PLEKHG4B: variants seen among roughly 807,000 people sequenced by gnomAD.
PLEKHG4B encodes the protein pleckstrin homology domain-containing family G member 4B.
PLEKHG4B carries 111 observed loss-of-function variants against 121.3 expected under a neutral mutation model. The observed-to-expected ratio is 0.92, with a 90% CI of 0.78 to 1.07. The LOEUF (loss-of-function observed/expected upper bound fraction) is 1.07. Ranked by LOEUF, PLEKHG4B falls within the 50% of genes least tolerant of loss-of-function variation. The pLI is 0.00. For missense variants in PLEKHG4B, 1,831 were observed against 1,757.8 expected, an observed-to-expected ratio of 1.04 and a Z score of -0.74; for synonymous variants, 738 against 725.0, an observed-to-expected ratio of 1.02 and a Z score of -0.29.
chr5:155,162 T>C (rs1400408078), intron 8 of PLEKHG4B, among the ~76,000 whole-genome samples, 171 bp downstream of exon 8: 3 of 152,192 alleles, frequency 2.0e-5, no homozygotes, highest in Non-Finnish European at 4.4e-5. Context: ...CATCTGAGAA[T>C]GCCGAGCCCG....
At chr5:129,333 C>A (rs1314029908) in intron 2 of PLEKHG4B, among the ~76,000 whole-genome samples, 1 of 152,204 alleles carries the variant, frequency 6.6e-6, no homozygotes, top group Non-Finnish European at 1.5e-5. Flanking sequence ...TGGAGTGTTT[C>A]TTTCTGCTGA....
At chr5:129,133 C>T (rs1055213201) in intron 2 of PLEKHG4B, among the ~76,000 whole-genome samples, 3 of 152,176 alleles carry the variant, frequency 2.0e-5, no homozygotes, top group Non-Finnish European at 2.9e-5. Context: ...TTGTGGAGGA[C>T]ATTTGCATTC....
At position 146,550 on chromosome 5, in the gene PLEKHG4B, C is replaced by T. The variant is rs79600242; in HGVS notation, c.1905+1630C>T. Among the ~76,000 whole-genome samples, 1,090 of 141,894 alleles carry T rather than the reference C, an allele frequency of 7.7e-3. 15 individuals carry two copies. Among genetic ancestry groups the T allele is most frequent in the African/African-American group, 0.024 (909 of 37,156 alleles). 93.1% of individuals were successfully genotyped at this position (141,894 alleles called of 152,430 possible). The stretch of plus-strand genomic sequence containing the variant: ...TCCTTCCTCTTCCCCAACCTAAAGT[C>T]CTCCCTCCTCTTTCCCCTAAGGTCC... On this transcript the variant is annotated intron_variant, in intron 6 of 19. Transcript: ENST00000637938.
chr5:99,242 A>T (rs913058214), intron 1 of PLEKHG4B, among the ~76,000 whole-genome samples: 1 of 140,354 alleles, frequency 7.1e-6, no homozygotes, highest in East Asian at 2.1e-4. Flanking sequence ...TTGCAATTCT[A>T]TGCGAATTTG....
chr5:131,601 T>A lies in PLEKHG4B; in HGVS notation c.244-7882T>A, dbSNP rs185250419. 2.8e-3 allele frequency among the ~76,000 whole-genome samples: 429 copies of A among 152,386 alleles called. 1 individual carries two copies. Among genetic ancestry groups the A allele is most frequent in the African/African-American group, 9.4e-3 (389 of 41,594 alleles). On this transcript the variant is annotated intron_variant, in intron 2 of 19. Transcript: ENST00000637938. ...GTGTGCATGTGTCTTTATAGTAGCA[T>A]GATTTATAATCCTTTGGGTATATAC...
chr5:110,335 AACACGTGCACACACCGGCCAC>A (rs1734110303), intron 1 of PLEKHG4B, among the ~76,000 whole-genome samples: 1 of 146,508 alleles, frequency 6.8e-6, no homozygotes, highest in Admixed American at 6.7e-5. Flanking sequence ...CACAGTCTGC[AACACGTGCACACACCGGCCAC>A]TCTGCAACAC....
rs67940117 is a variant in PLEKHG4B, at chr5:134,076, AATATATATATATATATATATAT to A, written c.244-5382_244-5361del. Reference sequence around the variant, plus strand: ...ATGATAGAATATATATATATGATAGAATATATATATATATATATATATATATATATATATATATATATATATG... The same window carrying A: ...ATGATAGAATATATATATATGATAGAATATATATATATATATATATATATG... On this transcript the variant is annotated intron_variant, in intron 2 of 19. Transcript: ENST00000637938. Among the ~76,000 whole-genome samples the A allele has an allele frequency of 3.7e-3, 148 of 40,298 alleles. 5 individuals carry two copies. The South Asian group carries it at 0.079, about 21-fold the overall frequency. 26.4% of individuals were successfully genotyped at this position (40,298 alleles called of 152,430 possible).
At chr5:112,190 T>G (rs1020971644) in intron 1 of PLEKHG4B, among the ~76,000 whole-genome samples, 13 of 152,304 alleles carry the variant, frequency 8.5e-5, no homozygotes, top group Middle Eastern at 3.4e-3. Context: ...GAGGCTCTAC[T>G]GTGGGACACA....
At chr5:92,642 A>T (rs916863463) in intron 1 of PLEKHG4B, among the ~76,000 whole-genome samples, 1 of 151,080 alleles carries the variant, frequency 6.6e-6, no homozygotes, top group African/African-American at 2.4e-5. Flanking sequence ...TTCTTCAGGC[A>T]CCCTTTTCCT....
At chr5:175,321 C>T (rs13154353) in intron 18 of PLEKHG4B, among the ~76,000 whole-genome samples, 2 of 151,830 alleles carry the variant, frequency 1.3e-5, no homozygotes, top group Admixed American at 1.3e-4. Context: ...TTTGCTCCCC[C>T]CACCGACTTC....
chr5:92,181 A>G lies in PLEKHG4B; in HGVS notation c.-51A>G. The G allele has an allele frequency of 2.7e-6, 1 of 372,016 alleles. No individual in the cohort carries two copies. The highest frequency in any genetic ancestry group is 4.8e-6 in the Non-Finnish European group (1 of 209,530). 23.0% of individuals were successfully genotyped at this position (372,016 alleles called of 1,614,324 possible). On this transcript the variant is annotated 5_prime_UTR_variant, in exon 1 of 20. Transcript: ENST00000637938. ...CGGCCTCGGCCCAGTGCACAGCGGG[A>G]CCAGGCAGAGTTCGGGGAAAGCGTC... is the stretch of plus-strand genomic sequence containing the variant.
chr5:120,597 GAA>G (rs989184549), intron 2 of PLEKHG4B, among the ~76,000 whole-genome samples: 2 of 152,090 alleles, frequency 1.3e-5, no homozygotes, highest in African/African-American at 4.8e-5. Context: ...TTTCATAGAG[GAA>G]TTAAAGCCAC....
chr5:179,383 G>A (rs55645324), intron 18 of PLEKHG4B, among the ~76,000 whole-genome samples: 4,059 of 152,244 alleles, frequency 0.027, 99 homozygotes, highest in Middle Eastern at 0.054. Context: ...TTGATGGGCA[G>A]GTCCTTGCAC....
chr5:161,547 G>C (rs774393278), intron 11 of PLEKHG4B, among the ~76,000 whole-genome samples: 1 of 152,108 alleles, frequency 6.6e-6, no homozygotes, highest in Non-Finnish European at 1.5e-5. Context: ...TGACTTCTTC[G>C]CATGTTTAAA....
intron 1 of PLEKHG4B, among the ~76,000 whole-genome samples, chr5:112,112 C>T (rs531314969): frequency 4.6e-5 from 7 of 152,298 alleles, no homozygotes; most frequent in East Asian, 3.9e-4. Context: ...GTGGCCCTGT[C>T]GGGTGAGTGA....
intron 11 of PLEKHG4B, among the ~76,000 whole-genome samples, chr5:160,710 T>G (rs970258342): frequency 2.0e-5 from 3 of 152,198 alleles, no homozygotes; most frequent in Non-Finnish European, 4.4e-5. Context: ...ATAGAATTAT[T>G]AGTGTATTTC....
intron 17 of PLEKHG4B, 34 bp from the exon 18 acceptor site, chr5:173,884 T>C: frequency 6.2e-7 from 1 of 1,603,276 alleles, no homozygotes; most frequent in Non-Finnish European, 8.5e-7. Flanking sequence ...ACCATGTTCC[T>C]GATGGTGCTG....
At chr5:99,141 G>C (rs1326330516) in intron 1 of PLEKHG4B, among the ~76,000 whole-genome samples, 1 of 131,850 alleles carries the variant, frequency 7.6e-6, no homozygotes, top group Non-Finnish European at 1.6e-5. Context: ...AGGTGACAGT[G>C]CGAGAGTCTG....
chr5:165,251 C>T (rs1259368731), intron 13 of PLEKHG4B, among the ~76,000 whole-genome samples: 1 of 21,048 alleles, frequency 4.8e-5, no homozygotes, highest in African/African-American at 2.0e-4. Flanking sequence ...AATGCTCTGA[C>T]GGGGCGGGGC....
Sources: gnomAD v4.1 joint callset for allele counts (sites outside exome capture counted in the v4.1 genomes callset) on GRCh38, gnomAD v4.1.1 for gene constraint, MANE v1.5 for transcripts, NCBI Gene and HGNC (gene_info 2026-07-23, HGNC 2026-07-21) for gene names.